CCDC175: variants seen among roughly 807,000 people sequenced by gnomAD.
The protein encoded by CCDC175 is coiled-coil domain-containing protein 175.
In CCDC175, 100 loss-of-function variants were observed where a neutral mutation model predicts 114.6. The ratio of observed to expected loss-of-function variants is 0.87; its 90% CI spans 0.74 to 1.03. CCDC175 has a LOEUF of 1.03. CCDC175 is among the 50% of genes least tolerant of loss of function. CCDC175 has a pLI of 0.00. For missense variants in CCDC175, 880 were observed against 917.8 expected (o/e 0.96, Z 0.53); for synonymous variants, 306 against 308.7 (o/e 0.99, Z 0.09).
Position 59,521,654 on chromosome 14 carries a change from T to C in CCDC175, c.2018A>G (p.Asn673Ser), listed in dbSNP as rs75578137. The change falls in exon 17 of 20, where the codon AAC (asparagine) becomes AGC (serine). Residue 673 changes from asparagine to serine, a missense_variant. Coordinates refer to ENST00000537690, the MANE Select transcript of CCDC175 (RefSeq NM_001164399.2). ...TTGTCCTTCTCTGTATTTCTCTATG[T>C]TATTCTTCAAGTATAAAATATACTG... ...LKEYILYLKNNIEKYREGQEA... is the reference protein window; with the variant it reads ...LKEYILYLKNSIEKYREGQEA... The C allele has an allele frequency of 1.5e-3, 2,310 of 1,528,844 alleles. 31 individuals are homozygous for C. The African/African-American group carries it at 0.026, about 17-fold the overall frequency. The allele number at this position is 1,528,844 out of a possible 1,614,324, so 94.7% of individuals were successfully genotyped here.
At position 59,561,232 on chromosome 14, in the gene CCDC175, T is replaced by C. The variant is rs1305312408; in HGVS notation, c.844-4A>G. On this transcript the variant is annotated splice_polypyrimidine_tract_variant and splice_region_variant and intron_variant, in intron 6 of 19. Coordinates refer to ENST00000537690, the MANE Select transcript of CCDC175 (RefSeq NM_001164399.2). ...CTAAATTGTGATCACTAAGAACCTA[T>C]TAAAAATTAAACAAAAATATGGCAT... is the stretch of plus-strand genomic sequence containing the variant. 1 of 1,486,586 alleles carries C rather than the reference T, an allele frequency of 6.7e-7. No homozygotes were observed. Among genetic ancestry groups the C allele is most frequent in the African/African-American group, 1.4e-5 (1 of 72,146 alleles). The allele number at this position is 1,486,586 out of a possible 1,614,324, so 92.1% of individuals were successfully genotyped here.
intron 7 of CCDC175, among the ~76,000 whole-genome samples, chr14:59,558,228 G>A (rs1024725172): frequency 1.3e-5 from 2 of 152,152 alleles, no homozygotes; most frequent in Non-Finnish European, 2.9e-5. Flanking sequence ...GATCATGTAG[G>A]GTGTTAAGGT....
intron 7 of CCDC175, among the ~76,000 whole-genome samples, chr14:59,557,343 A>G (rs1170445251): frequency 6.6e-6 from 1 of 151,856 alleles, no homozygotes; most frequent in Non-Finnish European, 1.5e-5. Context: ...GGAAACCATC[A>G]TTCTCAGCAA....
intron 17 of CCDC175, among the ~76,000 whole-genome samples, chr14:59,520,975 T>A (rs936459055): frequency 6.6e-6 from 1 of 152,230 alleles, no homozygotes; most frequent in Admixed American, 6.5e-5. Flanking sequence ...ATTTTTTGTA[T>A]GCAAATCAAT....
At chr14:59,545,375 C>A in intron 8 of CCDC175, 76 bp from the exon 9 acceptor site, 1 of 1,350,972 alleles carries the variant, frequency 7.4e-7, no homozygotes, top group Admixed American at 2.3e-5. Flanking sequence ...CAGGTGGCAA[C>A]TCGGAGAGCA....
intron 16 of CCDC175, among the ~76,000 whole-genome samples, chr14:59,523,309 G>A (rs541658138): frequency 1.3e-4 from 20 of 152,248 alleles, no homozygotes; most frequent in Admixed American, 9.2e-4. Context: ...AAGTACATTA[G>A]TACCTATTAT....
chr14:59,567,119 C>T (rs1358514500), intron 4 of CCDC175, among the ~76,000 whole-genome samples: 2 of 152,124 alleles, frequency 1.3e-5, no homozygotes, highest in Non-Finnish European at 2.9e-5. Flanking sequence ...TGTTGCTGAC[C>T]GGTTGATATA....
chr14:59,511,908 A>C (rs1892777891), intron 17 of CCDC175, 105 bp from the exon 18 acceptor site: 5 of 818,496 alleles, frequency 6.1e-6, no homozygotes, highest in Non-Finnish European at 7.7e-6. Flanking sequence ...TTTTTATCTA[A>C]AAATGTCTAG....
intron 16 of CCDC175, among the ~76,000 whole-genome samples, chr14:59,524,750 A>G (rs1893643563): frequency 6.6e-6 from 1 of 152,242 alleles, no homozygotes; most frequent in Non-Finnish European, 1.5e-5. Context: ...GTTCACCAAA[A>G]AAACATGAAC....
At chr14:59,512,361 G>T (rs892296847) in intron 17 of CCDC175, among the ~76,000 whole-genome samples, 1 of 152,140 alleles carries the variant, frequency 6.6e-6, no homozygotes, top group African/African-American at 2.4e-5. Context: ...CTCTGTGCCC[G>T]CATGACTGAC....
intron 1 of CCDC175, among the ~76,000 whole-genome samples, chr14:59,575,580 G>A (rs1897067797): frequency 6.8e-6 from 1 of 146,558 alleles, no homozygotes; most frequent in Non-Finnish European, 1.5e-5. Flanking sequence ...CACCATCTCG[G>A]CTCACCACAA....
chr14:59,515,853 A>G (rs1262583980), intron 17 of CCDC175, among the ~76,000 whole-genome samples: 2 of 152,234 alleles, frequency 1.3e-5, no homozygotes, highest in African/African-American at 4.8e-5. Context: ...CGCCAAATCA[A>G]CAGAATATAC....
intron 19 of CCDC175, among the ~76,000 whole-genome samples, chr14:59,509,519 T>G (rs1381899296): frequency 6.6e-6 from 1 of 152,190 alleles, no homozygotes; most frequent in Non-Finnish European, 1.5e-5. Flanking sequence ...TCCCTCTTTT[T>G]ACATTTATTT....
chr14:59,518,490 A>G lies in CCDC175; in HGVS notation c.2098+3084T>C, dbSNP rs1484251143. On this transcript the variant is annotated intron_variant, in intron 17 of 19. Transcript: ENST00000537690. ...AAATTTACAAGAAAAAAACAAGCCCATCAACAAGTGGGCGAAGGATATGAA... is the reference window on the plus strand; with the variant it reads ...AAATTTACAAGAAAAAAACAAGCCCGTCAACAAGTGGGCGAAGGATATGAA... Among the ~76,000 whole-genome samples the G allele has an allele frequency of 3.9e-5, 6 of 152,350 alleles. No homozygotes were observed. In the East Asian group the frequency reaches 1.2e-3, roughly 29 times the overall value.
intron 17 of CCDC175, among the ~76,000 whole-genome samples, chr14:59,513,789 G>A (rs1269374880): frequency 6.6e-6 from 1 of 152,216 alleles, no homozygotes; most frequent in East Asian, 1.9e-4. Flanking sequence ...AGATTTAAAT[G>A]TCCCTGTCTG....
At chr14:59,533,151 C>T (rs968365669) in intron 13 of CCDC175, among the ~76,000 whole-genome samples, 9 of 152,300 alleles carry the variant, frequency 5.9e-5, no homozygotes, top group African/African-American at 2.2e-4. Flanking sequence ...TATAGTCTCC[C>T]TGGCTTAGAA....
In CCDC175 at chr14:59,557,430, C is replaced by CA. The variant is rs1423732243; in HGVS notation, c.953+3688dup. Reference sequence around the variant, plus strand: ...GAATTGAACAATGAGAACACATGGACACAGGAAGGGGAACCTCACACACCG... The same window carrying CA: ...GAATTGAACAATGAGAACACATGGACAACAGGAAGGGGAACCTCACACACCG... On this transcript the variant is annotated intron_variant, in intron 7 of 19. Transcript: ENST00000537690. Among the ~76,000 whole-genome samples, 24 of 136,594 alleles carry CA rather than the reference C, an allele frequency of 1.8e-4. No individual in the cohort carries two copies. In the Admixed American group the frequency reaches 2.0e-3, roughly 12 times the overall value. The allele number at this position is 136,594 out of a possible 152,430, so 89.6% of individuals were successfully genotyped here. A position where few individuals can be genotyped will look rare whatever the true frequency, so the allele number is the denominator to read the frequency against.
chr14:59,549,627 G>A (rs1032226157), intron 8 of CCDC175, among the ~76,000 whole-genome samples: 1 of 147,228 alleles, frequency 6.8e-6, no homozygotes, highest in Non-Finnish European at 1.5e-5. Context: ...GGCTGAGGCA[G>A]GAGAATCGCT....
intron 11 of CCDC175, among the ~76,000 whole-genome samples, chr14:59,539,397 G>C (rs1894619704): frequency 6.6e-6 from 1 of 152,024 alleles, no homozygotes; most frequent in African/African-American, 2.4e-5. Flanking sequence ...GCCCAACATG[G>C]AGAAACCCTG....
Sources: gnomAD v4.1 joint callset for allele counts (sites outside exome capture counted in the v4.1 genomes callset) on GRCh38, gnomAD v4.1.1 for gene constraint, MANE v1.5 for transcripts, NCBI Gene and HGNC (gene_info 2026-07-23, HGNC 2026-07-21) for gene names.